The following ATP2C1 variants were observed in gnomAD, a reference collection of about 807,000 sequenced individuals.
The protein encoded by ATP2C1 is ATPase secretory pathway Ca2+ transporting 1.
Under a neutral mutation model 120.5 loss-of-function variants are expected in ATP2C1, and 31 were observed. That is an observed-to-expected ratio of 0.26 (90% confidence interval 0.19 to 0.35). ATP2C1 has a LOEUF of 0.35. ATP2C1 is among the 10% of genes least tolerant of loss of function. ATP2C1 has a pLI of 1.00. For missense variants in ATP2C1, 731 were observed against 1,107.5 expected, an observed-to-expected ratio of 0.66 and a Z score of 4.83; for synonymous variants, 351 against 358.7, an observed-to-expected ratio of 0.98 and a Z score of 0.24.
intron 12 of ATP2C1, chr3:130,959,567 T>C (rs1395072139): frequency 1.8e-5 from 5 of 282,660 alleles, no homozygotes; most frequent in Non-Finnish European, 6.7e-6. Flanking sequence ...GAATTACTAA[T>C]GCATTATTGC....
chr3:130,854,958 A>G (rs984357596), intron 1 of ATP2C1, among the ~76,000 whole-genome samples: 1 of 152,154 alleles, frequency 6.6e-6, no homozygotes, highest in Non-Finnish European at 1.5e-5. Context: ...CAAGCTCCAA[A>G]CATGCTCCTC....
chr3:130,856,961 G>C (rs1174931586), intron 1 of ATP2C1, among the ~76,000 whole-genome samples: 1 of 152,148 alleles, frequency 6.6e-6, no homozygotes, highest in Non-Finnish European at 1.5e-5. Flanking sequence ...TCAAAAAATT[G>C]TAACTTTGGG....
chr3:130,991,280 A>T (rs1487389290), intron 20 of ATP2C1, among the ~76,000 whole-genome samples: 1 of 152,150 alleles, frequency 6.6e-6, no homozygotes. Flanking sequence ...TGCGGCTGAG[A>T]GATTAAGTCA....
At chr3:130,911,758 G>A (rs1287453067) in intron 2 of ATP2C1, among the ~76,000 whole-genome samples, 1 of 150,948 alleles carries the variant, frequency 6.6e-6, no homozygotes, top group African/African-American at 2.4e-5. Context: ...CTACTTTAAA[G>A]TTCATATGGA....
chr3:130,931,667 TTTTG>T (rs1576767394), intron 3 of ATP2C1, among the ~76,000 whole-genome samples: 1 of 152,144 alleles, frequency 6.6e-6, no homozygotes, highest in Non-Finnish European at 1.5e-5. Flanking sequence ...AACTCTGCCT[TTTTG>T]TTTACATTTT....
chr3:130,989,141 C>T (rs1031690907), intron 20 of ATP2C1, among the ~76,000 whole-genome samples: 2 of 150,920 alleles, frequency 1.3e-5, no homozygotes, highest in African/African-American at 2.4e-5. Flanking sequence ...ATCCCAGCTA[C>T]TTGGGAGGCT....
chr3:130,996,172 C>A, intron 23 of ATP2C1, 61 bp downstream of exon 23: 1 of 1,227,392 alleles, frequency 8.1e-7, no homozygotes. Flanking sequence ...AAAAGTAGAA[C>A]TTAAGCAGAA....
At chr3:130,995,921 A>C (rs989250892) in intron 22 of ATP2C1, 122 bp from the exon 23 acceptor site, 2 of 725,404 alleles carry the variant, frequency 2.8e-6, no homozygotes, top group African/African-American at 3.5e-5. Context: ...CTGGGATTAC[A>C]GGCATGAGCC....
chr3:130,917,875 A>T (rs1409321812), intron 2 of ATP2C1, among the ~76,000 whole-genome samples: 7 of 152,014 alleles, frequency 4.6e-5, no homozygotes, highest in African/African-American at 1.7e-4. Flanking sequence ...ATTATTTTAG[A>T]TAGTGGAGTT....
At chr3:130,985,922 T>C (rs2061988278) in intron 20 of ATP2C1, among the ~76,000 whole-genome samples, 1 of 152,218 alleles carries the variant, frequency 6.6e-6, no homozygotes. Flanking sequence ...TATGATTCGA[T>C]GTACACTAAC....
chr3:130,913,833 T>C (rs1248794380), intron 2 of ATP2C1, among the ~76,000 whole-genome samples: 2 of 152,230 alleles, frequency 1.3e-5, no homozygotes, highest in Admixed American at 6.5e-5. Context: ...CTTTTAGTGT[T>C]ACACAATGGT....
intron 26 of ATP2C1, among the ~76,000 whole-genome samples, chr3:131,010,742 C>T (rs1429100243): frequency 5.3e-5 from 8 of 152,150 alleles, no homozygotes; most frequent in Admixed American, 2.6e-4. Flanking sequence ...CACATTCCTG[C>T]CCATCTTTCT....
At chr3:130,992,494 A>G (rs1157107986) in intron 20 of ATP2C1, among the ~76,000 whole-genome samples, 1 of 152,342 alleles carries the variant, frequency 6.6e-6, no homozygotes, top group East Asian at 1.9e-4. Context: ...TAACCTGAGT[A>G]AAAGGGAATG....
rs2107902830 is a variant in ATP2C1, at chr3:130,894,543, C to T, written c.-180-47C>T. ...GAGATAGTGGCTGGGCGGGGAACTC[C>T]TTCCTCAGCCTCTCGTCAGCGCCGC... is the stretch of plus-strand genomic sequence containing the variant. On this transcript the variant is annotated intron_variant, in intron 1 of 27. Coordinates refer to ENST00000510168, the MANE Select transcript of ATP2C1 (RefSeq NM_001378687.1). The surrounding 1 kb of genome is among the most constrained non-coding windows in gnomAD (Gnocchi z 4.5). 2 of 1,405,704 alleles carry T rather than the reference C, an allele frequency of 1.4e-6. No homozygotes were observed. The highest frequency in any genetic ancestry group is 1.5e-5 in the African/African-American group (1 of 68,880). The allele number at this position is 1,405,704 out of a possible 1,614,324, so 87.1% of individuals were successfully genotyped here. A position where few individuals can be genotyped will look rare whatever the true frequency, so the allele number is the denominator to read the frequency against.
At chr3:130,994,733 G>T (rs896417890) in intron 22 of ATP2C1, among the ~76,000 whole-genome samples, 3 of 152,180 alleles carry the variant, frequency 2.0e-5, no homozygotes. Context: ...GTTCCAGGCT[G>T]CTTTATTACT....
intron 20 of ATP2C1, among the ~76,000 whole-genome samples, chr3:130,990,272 A>ACCCCC (rs71306204): frequency 6.9e-5 from 7 of 102,070 alleles, no homozygotes; most frequent in Non-Finnish European, 1.0e-4. Flanking sequence ...CTTAAGAGCA[A>ACCCCC]CCCCCCCCCC....
intron 20 of ATP2C1, among the ~76,000 whole-genome samples, chr3:130,990,698 A>T (rs940695178): frequency 6.6e-6 from 1 of 152,198 alleles, no homozygotes; most frequent in Non-Finnish European, 1.5e-5. Context: ...GGGCAGAAAT[A>T]AGAAAATCAG....
At position 130,992,948 on chromosome 3, in the gene ATP2C1, C is replaced by T; in HGVS notation, c.1840-3C>T. The T allele has an allele frequency of 6.2e-7, 1 of 1,609,198 alleles. No homozygotes were observed. Among genetic ancestry groups the T allele is most frequent in the Non-Finnish European group, 8.5e-7 (1 of 1,175,956 alleles). On this transcript the variant is annotated splice_region_variant and splice_polypyrimidine_tract_variant and intron_variant, in intron 20 of 27. Transcript: ENST00000510168. ...ATTTTTAGTGTATCTTGTATTTTAA[C>T]AGGTTGCAGTATTTTACAGAGCTAG...
At chr3:130,947,779 T>C (rs1310177511) in intron 8 of ATP2C1, among the ~76,000 whole-genome samples, 1 of 152,190 alleles carries the variant, frequency 6.6e-6, no homozygotes, top group African/African-American at 2.4e-5. Flanking sequence ...TTGTTTTTTT[T>C]CCACGCCCCT....
Sources: gnomAD v4.1 joint callset for allele counts (sites outside exome capture counted in the v4.1 genomes callset) on GRCh38, gnomAD v4.1.1 for gene constraint, Gnocchi (gnomAD v3.1) non-coding constraint, MANE v1.5 for transcripts, NCBI Gene and HGNC (gene_info 2026-07-23, HGNC 2026-07-21) for gene names.